The following PDE6A variants were observed in gnomAD, a reference collection of about 807,000 sequenced individuals.
PDE6A encodes the protein rod cGMP-specific 3',5'-cyclic phosphodiesterase subunit alpha.
In PDE6A, 84 loss-of-function variants were observed where a neutral mutation model predicts 106.3. That is an observed-to-expected ratio of 0.79 (90% CI 0.66 to 0.95). The LOEUF is 0.95. Ranked by LOEUF, PDE6A falls within the 40% of genes least tolerant of loss-of-function variation. The pLI is 0.00. For missense variants in PDE6A, 1,052 were observed against 1,084.9 expected (o/e 0.97, Z 0.43); for synonymous variants, 394 against 386.6 (o/e 1.02, Z -0.23).
intron 13 of PDE6A, among the ~76,000 whole-genome samples, chr5:149,888,027 T>G (rs953555056): frequency 6.6e-6 from 1 of 151,502 alleles, no homozygotes; most frequent in Non-Finnish European, 1.5e-5. Context: ...AAACCTAACA[T>G]GTGGGAGGGT....
At chr5:149,915,936 G>A (rs886232289) in intron 5 of PDE6A, among the ~76,000 whole-genome samples, 13 of 152,164 alleles carry the variant, frequency 8.5e-5, no homozygotes, top group African/African-American at 2.9e-4. Context: ...GACCCTTACT[G>A]GTGTCAATGA....
chr5:149,899,938 C>A (rs946103281), intron 8 of PDE6A, among the ~76,000 whole-genome samples: 5 of 152,088 alleles, frequency 3.3e-5, no homozygotes, highest in Non-Finnish European at 7.4e-5. Context: ...TGCCTCTTGC[C>A]CTGACTTCCT....
chr5:149,885,592 A>G (rs546785491), intron 14 of PDE6A, among the ~76,000 whole-genome samples: 1 of 152,226 alleles, frequency 6.6e-6, no homozygotes, highest in Non-Finnish European at 1.5e-5. Flanking sequence ...ATACGAGATG[A>G]GTGAATGAAC....
intron 4 of PDE6A, among the ~76,000 whole-genome samples, chr5:149,924,375 C>T (rs1753815499): frequency 6.6e-6 from 1 of 150,814 alleles, no homozygotes; most frequent in South Asian, 2.1e-4. Context: ...GGTTGTATGG[C>T]CAGCATTGTC....
chr5:149,934,719 C>G lies in PDE6A; in HGVS notation c.475-1G>C. The G allele has an allele frequency of 1.2e-6, 2 of 1,613,674 alleles. No homozygotes were observed. The highest frequency in any genetic ancestry group is 1.7e-6 in the Non-Finnish European group (2 of 1,180,012). ...CCACAAAGTCACAGAAATGCTCATC[C>G]TAAAGGAAGGCAGAGATAAGCACGG... is the stretch of plus-strand genomic sequence containing the variant. On this transcript the variant is annotated splice_acceptor_variant, in intron 1 of 21. Transcript: ENST00000255266. LOFTEE classifies it high-confidence loss of function.
At chr5:149,890,649 T>C (rs1304023615) in intron 13 of PDE6A, among the ~76,000 whole-genome samples, 1 of 152,176 alleles carries the variant, frequency 6.6e-6, no homozygotes, top group African/African-American at 2.4e-5. Context: ...CATGACCATG[T>C]AAAGTCTTGT....
chr5:149,863,174 A>G lies in PDE6A; in HGVS notation c.2451T>C (p.Asp817=), dbSNP rs1394770829. 6.2e-7 allele frequency: 1 copy of G among 1,614,136 alleles called. No homozygotes were observed. Among genetic ancestry groups the G allele is most frequent in the South Asian group, 1.1e-5 (1 of 91,076 alleles). Residue 817 remains aspartate, a synonymous_variant, in exon 21 of 22, where the codon GAT becomes GAC. Transcript: ENST00000255266. This position sits in a 1 kb window ranked among gnomAD's most constrained non-coding sequence, Gnocchi z 4.7. ...KEWKALADEY[D]AKMKVQEEKK... ...TCTCCTCCTGCACCTTCATCTTGGCATCGTACTCATCAGCAAGCGCCTTCC... is the reference window on the plus strand; with the variant it reads ...TCTCCTCCTGCACCTTCATCTTGGCGTCGTACTCATCAGCAAGCGCCTTCC...
At chr5:149,917,377 G>C (rs1416235071) in intron 5 of PDE6A, among the ~76,000 whole-genome samples, 1 of 151,996 alleles carries the variant, frequency 6.6e-6, no homozygotes, top group African/African-American at 2.4e-5. Context: ...CAGATACCTG[G>C]GCTCCACCCC....
At chr5:149,884,200 A>AT (rs1491578560) in intron 16 of PDE6A, among the ~76,000 whole-genome samples, 1 of 136,340 alleles carries the variant, frequency 7.3e-6, no homozygotes, top group Admixed American at 7.4e-5. Context: ...AAAAAAAAAA[A>AT]TATATATATA....
chr5:149,881,056 C>T (rs978905730), intron 17 of PDE6A, among the ~76,000 whole-genome samples: 19 of 152,008 alleles, frequency 1.2e-4, no homozygotes, highest in African/African-American at 4.6e-4. Flanking sequence ...GAGTGAGACA[C>T]CGTCTCAGAA....
chr5:149,874,096 A>G (rs536268172), intron 17 of PDE6A, among the ~76,000 whole-genome samples: 1 of 152,242 alleles, frequency 6.6e-6, no homozygotes, highest in African/African-American at 2.4e-5. Flanking sequence ...GCACTCCAAG[A>G]TAATCAAAAC....
chr5:149,924,922 A>C (rs1219269001), intron 4 of PDE6A, among the ~76,000 whole-genome samples: 1 of 152,162 alleles, frequency 6.6e-6, no homozygotes, highest in Non-Finnish European at 1.5e-5. Context: ...GCCAAGGAGG[A>C]GAGACCCTTG....
intron 13 of PDE6A, among the ~76,000 whole-genome samples, chr5:149,893,369 A>G (rs1355567282): frequency 6.6e-6 from 1 of 152,236 alleles, no homozygotes; most frequent in Non-Finnish European, 1.5e-5. Flanking sequence ...AAGGTTTTCC[A>G]CAGAAACAGA....
intron 4 of PDE6A, among the ~76,000 whole-genome samples, chr5:149,923,549 ATAACATAACATAACATAACAT>A (rs1382523704): frequency 7.3e-6 from 1 of 136,182 alleles, no homozygotes; most frequent in Non-Finnish European, 1.5e-5. Flanking sequence ...ATAACATAAC[ATAACATAACATAACATAACAT>A]AACATAACAA....
Position 149,944,630 on chromosome 5 carries a change from G to C in PDE6A, c.44C>G (p.Ser15Trp). The C allele has an allele frequency of 6.2e-7, 1 of 1,613,348 alleles. No individual in the cohort carries two copies. Among genetic ancestry groups the C allele is most frequent in the Non-Finnish European group, 8.5e-7 (1 of 1,179,764 alleles). ...TAEEVEKFLD[S>W]NIGFAKQYYN... is the part of the protein sequence containing the mutation. ...GTACTGTTTGGCAAAGCCAATATTC[G>C]AGTCCAGGAACTTCTCCACCTCCTC... Residue 15 changes from serine (S) to tryptophan (W), a missense_variant, in exon 1 of 22, where the codon TCG (serine) becomes TGG (tryptophan). By Grantham distance (177) the Ser-to-Trp change is radical (BLOSUM62 -3). Coordinates refer to ENST00000255266, the MANE Select transcript of PDE6A (RefSeq NM_000440.3).
At chr5:149,926,267 C>CAT (rs998855382) in intron 4 of PDE6A, among the ~76,000 whole-genome samples, 46 of 151,386 alleles carry the variant, frequency 3.0e-4, no homozygotes, top group African/African-American at 4.4e-4. Flanking sequence ...TTAAAAAAAA[C>CAT]ATATATATAT....
chr5:149,913,535 C>T (rs971769123), intron 6 of PDE6A, among the ~76,000 whole-genome samples: 10 of 152,098 alleles, frequency 6.6e-5, no homozygotes, highest in African/African-American at 1.9e-4. Flanking sequence ...ATCTGGGTGA[C>T]GGGATTACTA....
chr5:149,934,960 G>T (rs969077745), intron 1 of PDE6A, among the ~76,000 whole-genome samples: 4 of 152,182 alleles, frequency 2.6e-5, no homozygotes, highest in Non-Finnish European at 4.4e-5. Flanking sequence ...GGGTTCCAGG[G>T]ATGGGAGTGG....
intron 3 of PDE6A, chr5:149,932,284 G>T (rs1421225619): frequency 1.4e-6 from 2 of 1,439,474 alleles, no homozygotes; most frequent in African/African-American, 1.4e-5. Flanking sequence ...CTCGTAGACC[G>T]CTCTCTTTTT....
Sources: allele counts gnomAD v4.1 joint callset (sites outside exome capture counted in the v4.1 genomes callset), GRCh38; gene constraint gnomAD v4.1.1; non-coding constraint Gnocchi (gnomAD v3.1); transcripts MANE v1.5; gene names NCBI Gene and HGNC (gene_info 2026-07-23, HGNC 2026-07-21).